Variants in SNRPA1 observed in about 807,000 individuals in gnomAD.
SNRPA1 encodes small nuclear ribonucleoprotein polypeptide A', also known as U2 small nuclear ribonucleoprotein A'.
In SNRPA1, 5 loss-of-function variants were observed where a neutral mutation model predicts 32.3. The observed-to-expected ratio is 0.15, with a 90% CI of 0.08 to 0.33. The LOEUF is 0.33. Ranked by LOEUF, SNRPA1 falls within the 10% of genes least tolerant of loss-of-function variation. The pLI, the probability that SNRPA1 is intolerant of heterozygous loss-of-function variation, is 1.00. For synonymous variants in SNRPA1, 111 were observed against 120.1 expected, an observed-to-expected ratio of 0.92 and a Z score of 0.50; for missense variants, 198 against 311.1, an observed-to-expected ratio of 0.64 and a Z score of 2.74.
chr15:101,283,215 G>A (rs1021494610), intron 8 of SNRPA1, among the ~76,000 whole-genome samples: 6 of 152,180 alleles, frequency 3.9e-5, no homozygotes, highest in Admixed American at 2.0e-4. Flanking sequence ...CAGTGCAAAT[G>A]TTCATACTAA....
rs80197745 is a variant in SNRPA1, at chr15:101,282,099, T to C, written c.710-317A>G. ...TCATGTGCTTTTCATGGCACTACCG[T>C]AGGCAAAGAAACCGGAAATACTCAA... On this transcript the variant is annotated intron_variant, in intron 8 of 8. Coordinates refer to ENST00000254193, the MANE Select transcript of SNRPA1 (RefSeq NM_003090.4). Among the ~76,000 whole-genome samples the C allele has an allele frequency of 3.9e-3, 599 of 152,372 alleles. 30 individuals carry two copies. In the East Asian group the frequency reaches 0.093, roughly 24 times the overall value.
intron 8 of SNRPA1, among the ~76,000 whole-genome samples, chr15:101,282,663 A>C (rs1463514505): frequency 1.3e-5 from 2 of 152,028 alleles, no homozygotes; most frequent in Non-Finnish European, 2.9e-5. Context: ...ATCATTTGGA[A>C]AACTGTGGTT....
At chr15:101,286,651 T>C (rs2039458088) in intron 5 of SNRPA1, 1 of 482,534 alleles carries the variant, frequency 2.1e-6, no homozygotes, top group Non-Finnish European at 3.7e-6. Context: ...GACAATCCAC[T>C]GTTAAGACTG....
At chr15:101,287,846 CA>C in intron 3 of SNRPA1, 144 bp from the exon 4 acceptor site, 1 of 671,166 alleles carries the variant, frequency 1.5e-6, no homozygotes, top group African/African-American at 1.8e-5. Flanking sequence ...ACTAGCACAT[CA>C]CAAATGTTTA....
At chr15:101,283,585 A>AAC (rs1567123383) in intron 8 of SNRPA1, among the ~76,000 whole-genome samples, 8 of 151,162 alleles carry the variant, frequency 5.3e-5, no homozygotes, top group South Asian at 2.1e-4. Flanking sequence ...ACAACAACAA[A>AAC]ATCAGTCTTC....
rs28461197 is a variant in SNRPA1 at position 101,287,743 on chromosome 15, C to T, written c.310-41G>A. 3,501 of 1,582,758 alleles carry T rather than the reference C, an allele frequency of 2.2e-3. 66 individuals carry two copies. The African/African-American group carries it at 0.039, about 18-fold the overall frequency. On this transcript the variant is annotated intron_variant, in intron 3 of 8. Coordinates refer to ENST00000254193, the MANE Select transcript of SNRPA1 (RefSeq NM_003090.4). ...CACAGGTAAGAACGCGAATACCACA[C>T]GCTATTTTGAGATTCTGAAATGGAG...
chr15:101,295,004 C>A (rs1352870107), intron 1 of SNRPA1, 93 bp downstream of exon 1: 3 of 821,822 alleles, frequency 3.7e-6, no homozygotes, highest in Non-Finnish European at 5.2e-6. Context: ...GGCCCGCGGG[C>A]CAAGCTCCGG....
chr15:101,284,167 C>G (rs2039428252), intron 8 of SNRPA1, among the ~76,000 whole-genome samples: 2 of 152,204 alleles, frequency 1.3e-5, no homozygotes, highest in Non-Finnish European at 1.5e-5. Flanking sequence ...ATCAAAAACT[C>G]GCTAATGTTG....
chr15:101,287,568 T>C (rs373871660), intron 4 of SNRPA1, 88 bp downstream of exon 4: 6 of 1,152,964 alleles, frequency 5.2e-6, no homozygotes, highest in Admixed American at 1.8e-5. Flanking sequence ...CCACATTTTT[T>C]AATTATCTGA....
Position 101,295,051 on chromosome 15 carries a change from G to T in SNRPA1, c.82+46C>A, listed in dbSNP as rs533758244. ...CGCGGCAAAGCGCGGAAAATAAGGC[G>T]GCTCGGTGCCGCCTGGGGACTGGCC... On this transcript the variant is annotated intron_variant, in intron 1 of 8. Transcript: ENST00000254193. 2.7e-4 allele frequency: 338 copies of T among 1,269,986 alleles called. 2 individuals are homozygous for T. In the East Asian group the frequency reaches 6.3e-3, roughly 24 times the overall value. The allele number at this position is 1,269,986 out of a possible 1,614,324, so 78.7% of individuals were successfully genotyped here.
intron 8 of SNRPA1, among the ~76,000 whole-genome samples, chr15:101,283,585 A>C (rs4965816): frequency 0.43 from 65,350 of 151,068 alleles, 15,230 homozygotes; most frequent in African/African-American, 0.63. Context: ...ACAACAACAA[A>C]ATCAGTCTTC....
intron 8 of SNRPA1, among the ~76,000 whole-genome samples, chr15:101,282,700 G>A (rs933092544): frequency 4.5e-4 from 68 of 152,260 alleles, no homozygotes; most frequent in African/African-American, 1.4e-3. Flanking sequence ...TCTTCCAAAC[G>A]TTGAGCCATG....
Position 101,287,670 on chromosome 15 carries a change from C to T in SNRPA1, c.342G>A (p.Ser114=), listed in dbSNP as rs770574404. 1.1e-5 allele frequency: 18 copies of T among 1,613,454 alleles called. No individual in the cohort carries two copies. Among genetic ancestry groups the T allele is most frequent in the South Asian group, 8.8e-5 (8 of 91,074 alleles). Residue 114 remains serine (S), a synonymous_variant, in exon 4 of 9, where the codon TCG becomes TCA. Transcript: ENST00000254193. Reference sequence around the variant, plus strand: ...AATTCCCATACCTTAGGTAAGTCAGCGATTTGAGAGATGCCAGAGGGTCCA... The same window carrying T: ...AATTCCCATACCTTAGGTAAGTCAGTGATTTGAGAGATGCCAGAGGGTCCA... ...GDLDPLASLK[S]LTYLSILRNP...
chr15:101,287,154 A>C, intron 4 of SNRPA1, 144 bp from the exon 5 acceptor site: 5 of 512,440 alleles, frequency 9.8e-6, no homozygotes, highest in Non-Finnish European at 1.7e-5. Flanking sequence ...AACATTAAGG[A>C]AATATATTCA....
At chr15:101,286,354 T>A (rs1030124496) in intron 5 of SNRPA1, 61 bp from the exon 6 acceptor site, 45 of 1,482,456 alleles carry the variant, frequency 3.0e-5, no homozygotes, top group Non-Finnish European at 3.8e-5. Context: ...TTTAGATGCA[T>A]TCCTCAGAAG....
chr15:101,287,620 A>G, intron 4 of SNRPA1, 36 bp downstream of exon 4: 2 of 1,571,734 alleles, frequency 1.3e-6, no homozygotes, highest in Non-Finnish European at 1.8e-6. Flanking sequence ...GTTATTTTAA[A>G]GGGCTTCATT....
intron 6 of SNRPA1, 115 bp from the exon 7 acceptor site, chr15:101,285,916 C>G (rs2039450107): frequency 2.7e-6 from 2 of 737,446 alleles, no homozygotes; most frequent in Non-Finnish European, 4.6e-6. Flanking sequence ...TCTTTGTTAA[C>G]AAACTGATAC....
In SNRPA1 at chr15:101,285,734, C is replaced by T; in HGVS notation, c.607G>A (p.Ala203Thr). 6 of 1,612,398 alleles carry T rather than the reference C, an allele frequency of 3.7e-6. No homozygotes were observed. Among genetic ancestry groups the T allele is most frequent in the Non-Finnish European group, 4.2e-6 (5 of 1,178,414 alleles). Residue 203 changes from alanine (A) to threonine (T), a missense_variant, in exon 7 of 9, where the codon GCA (alanine) becomes ACA (threonine). Transcript: ENST00000254193. ...KGGPSPGDVE[A>T]IKNAIANAST... is the part of the protein sequence containing the mutation. ...TCCTAACACATGATTACCTTGATTG[C>T]TTCTACATCCCCTGGAGATGGCCCA...
Position 101,281,789 on chromosome 15 carries a change from A to C in SNRPA1, c.710-7T>G, listed in dbSNP as rs1328401661. On this transcript the variant is annotated splice_region_variant and splice_polypyrimidine_tract_variant and intron_variant, in intron 8 of 8. Coordinates refer to ENST00000254193, the MANE Select transcript of SNRPA1 (RefSeq NM_003090.4). ...TCACCATCATCAGTGGGCCCTAAAG[A>C]AAACCACCAAAGCAAAAGTAGTATC... 6.2e-7 allele frequency: 1 copy of C among 1,613,854 alleles called. No individual in the cohort carries two copies. Among genetic ancestry groups the C allele is most frequent in the Non-Finnish European group, 8.5e-7 (1 of 1,179,676 alleles).
Sources: gnomAD v4.1 joint callset for allele counts (sites outside exome capture counted in the v4.1 genomes callset) on GRCh38, gnomAD v4.1.1 for gene constraint, MANE v1.5 for transcripts, NCBI Gene and HGNC (gene_info 2026-07-23, HGNC 2026-07-21) for gene names.